Variants in ITGB1 observed in about 807,000 individuals in gnomAD.
The protein encoded by ITGB1 is integrin subunit beta 1.
A neutral mutation model predicts 86.5 loss-of-function variants in ITGB1; 24 were observed. That is an observed-to-expected ratio of 0.28 (90% CI 0.20 to 0.39). The LOEUF is 0.39. Ranked by LOEUF, ITGB1 falls within the 10% of genes least tolerant of loss-of-function variation. The pLI is 1.00. For synonymous variants in ITGB1, 323 were observed against 316.8 expected (o/e 1.02, Z -0.21); for missense variants, 556 against 946.9 (o/e 0.59, Z 5.42).
rs570622848 is a variant in ITGB1, at chr10:32,928,947, A to C, written c.377-683T>G. ...TTTTAACTTGTAGTTTTCTCTATAT[A>C]GATTTCTAATAGGCAATTGGAGAAA... On this transcript the variant is annotated intron_variant, in intron 4 of 15. Coordinates refer to ENST00000302278, the MANE Select transcript of ITGB1 (RefSeq NM_002211.4). 8.5e-5 allele frequency among the ~76,000 whole-genome samples: 13 copies of C among 152,160 alleles called. 1 individual carries two copies. In the South Asian group the frequency reaches 2.7e-3, roughly 32 times the overall value.
chr10:32,919,557 T>A (rs2094942249), intron 11 of ITGB1, among the ~76,000 whole-genome samples: 1 of 152,182 alleles, frequency 6.6e-6, no homozygotes, highest in Non-Finnish European at 1.5e-5. Context: ...CCTATAAACG[T>A]TATTTTACAC....
At chr10:32,936,031 G>A (rs2137241206) in intron 1 of ITGB1, 1 of 152,928 alleles carries the variant, frequency 6.5e-6, no homozygotes, top group South Asian at 2.1e-4. Context: ...TCATCCCTCT[G>A]CTAACAATGC....
intron 1 of ITGB1, among the ~76,000 whole-genome samples, chr10:32,939,480 A>C (rs540396248): frequency 2.6e-5 from 4 of 152,288 alleles, no homozygotes; most frequent in African/African-American, 9.6e-5. Flanking sequence ...GTGGCCTCCT[A>C]CACATCCAGG....
At chr10:32,941,097 C>CAGTT (rs1216256885) in intron 1 of ITGB1, among the ~76,000 whole-genome samples, 1 of 152,174 alleles carries the variant, frequency 6.6e-6, no homozygotes, top group African/African-American at 2.4e-5. Context: ...GGCAGTGTTT[C>CAGTT]AGTTAGACCT....
chr10:32,936,501 TAG>T (rs1431892958), intron 1 of ITGB1, among the ~76,000 whole-genome samples: 3 of 151,918 alleles, frequency 2.0e-5, no homozygotes, highest in Non-Finnish European at 2.9e-5. Flanking sequence ...TTTAATTTCC[TAG>T]AGTGTCCAGA....
rs181995317 is a variant in ITGB1 at position 32,913,399 on chromosome 10, G to C, written c.1470-1275C>G. 2.0e-3 allele frequency among the ~76,000 whole-genome samples: 298 copies of C among 152,226 alleles called. 2 individuals carry two copies. The highest frequency in any genetic ancestry group is 3.4e-3 in the Non-Finnish European group (232 of 68,022). ...CTAAAGGAGGATATTCAAACCCATC[G>C]CAAAGAAGCTAAAAACCTTGAAAAA... is the stretch of plus-strand genomic sequence containing the variant. On this transcript the variant is annotated intron_variant, in intron 11 of 15. Coordinates refer to ENST00000302278, the MANE Select transcript of ITGB1 (RefSeq NM_002211.4).
At chr10:32,943,391 A>G (rs2095023626) in intron 1 of ITGB1, among the ~76,000 whole-genome samples, 1 of 150,682 alleles carries the variant, frequency 6.6e-6, no homozygotes, top group Admixed American at 6.7e-5. Flanking sequence ...AAATGCCCAA[A>G]TCTCTGAGAA....
At chr10:32,946,809 T>G (rs1419701001) in intron 1 of ITGB1, among the ~76,000 whole-genome samples, 1 of 148,576 alleles carries the variant, frequency 6.7e-6, no homozygotes, top group Admixed American at 6.8e-5. Context: ...CATCAGTCTT[T>G]CAAGATGAAC....
chr10:32,945,983 G>A (rs866960462), intron 1 of ITGB1, among the ~76,000 whole-genome samples: 2 of 152,064 alleles, frequency 1.3e-5, no homozygotes, highest in East Asian at 1.9e-4. Flanking sequence ...TGTATTGAGG[G>A]TTATAATTTT....
chr10:32,917,020 C>G (rs1397924444), intron 11 of ITGB1, among the ~76,000 whole-genome samples: 1 of 151,984 alleles, frequency 6.6e-6, no homozygotes, highest in Non-Finnish European at 1.5e-5. Context: ...CAGAACAGAG[C>G]CCTCAGAAAT....
chr10:32,926,646 T>C (rs1343220394), intron 5 of ITGB1, among the ~76,000 whole-genome samples: 1 of 152,228 alleles, frequency 6.6e-6, no homozygotes, highest in Non-Finnish European at 1.5e-5. Flanking sequence ...TTGCTGATGC[T>C]AGCGCCATGC....
chr10:32,904,191 GCTCA>G (rs1402221766), intron 15 of ITGB1, among the ~76,000 whole-genome samples: 1 of 152,012 alleles, frequency 6.6e-6, no homozygotes, highest in African/African-American at 2.4e-5. Context: ...GTAAAATTAA[GCTCA>G]CTATCTGTAT....
At chr10:32,946,762 G>GC (rs2095032231) in intron 1 of ITGB1, among the ~76,000 whole-genome samples, 1 of 55,158 alleles carries the variant, frequency 1.8e-5, no homozygotes, top group African/African-American at 4.2e-5. Context: ...GGGGGGGGGG[G>GC]GGATTATTTT....
Position 32,952,787 on chromosome 10 carries a change from C to A in ITGB1, c.-1+5358G>T, listed in dbSNP as rs971238765. Among the ~76,000 whole-genome samples the A allele has an allele frequency of 7.2e-5, 11 of 152,270 alleles. No homozygotes were observed. In the East Asian group the frequency reaches 1.9e-3, roughly 27 times the overall value. The stretch of plus-strand genomic sequence containing the variant: ...TGCCTCTTCATCTCCTCACCAACCA[C>A]AATCAACTTAATTAACTACTCCTTC... On this transcript the variant is annotated intron_variant, in intron 1 of 15. Transcript: ENST00000302278.
At chr10:32,941,528 G>C (rs527721168) in intron 1 of ITGB1, among the ~76,000 whole-genome samples, 48 of 152,264 alleles carry the variant, frequency 3.2e-4, no homozygotes, top group African/African-American at 1.2e-3. Flanking sequence ...GTTACAGAGA[G>C]CCAAATACCA....
Position 32,910,344 on chromosome 10 carries a change from C to T in ITGB1, c.2043G>A (p.Gln681=). The T allele has an allele frequency of 1.9e-6, 3 of 1,599,576 alleles. No homozygotes were observed. Among genetic ancestry groups the T allele is most frequent in the Middle Eastern group, 3.3e-4 (2 of 6,034 alleles). Residue 681 remains glutamine, a synonymous_variant, in exon 14 of 16, where the codon CAG becomes CAA. Transcript: ENST00000302278. Reference sequence around the variant, plus strand: ...GGGACACAGGATCAGGTTGGACCGGCTGGGGTAATTTGTCCCGACTTTCTA... The same window carrying T: ...GGGACACAGGATCAGGTTGGACCGGTTGGGGTAATTTGTCCCGACTTTCTA... ...TKVESRDKLP[Q]PVQPDPVSHC...
rs1229281034 is a variant in ITGB1, at chr10:32,953,584, T to C, written c.-1+4561A>G. On this transcript the variant is annotated intron_variant, in intron 1 of 15. Coordinates refer to ENST00000302278, the MANE Select transcript of ITGB1 (RefSeq NM_002211.4). ...GTTGCTCATGGAGAGAGAACTGCAC[T>C]CTACTTACATCAGGCAGCAGCTATC... 3 of 150,782 alleles carry C rather than the reference T, an allele frequency of 2.0e-5. No homozygotes were observed. The East Asian group carries it at 5.8e-4, about 29-fold the overall frequency. The allele number at this position is 150,782 out of a possible 1,614,324, so 9.3% of individuals were successfully genotyped here. A position where few individuals can be genotyped will look rare whatever the true frequency, so the allele number is the denominator to read the frequency against.
At chr10:32,942,681 C>T (rs890448041) in intron 1 of ITGB1, among the ~76,000 whole-genome samples, 3 of 100,474 alleles carry the variant, frequency 3.0e-5, no homozygotes, top group Non-Finnish European at 8.8e-5. Context: ...CTCTCTCTCT[C>T]TCTTTTTTTT....
chr10:32,922,166 A>G (rs369499609), intron 9 of ITGB1, 91 bp downstream of exon 9: 6 of 771,476 alleles, frequency 7.8e-6, no homozygotes, highest in African/African-American at 1.8e-5. Context: ...TGGGCTCGCT[A>G]AAGTGTGTAT....
Sources: gnomAD v4.1 joint callset for allele counts (sites outside exome capture counted in the v4.1 genomes callset) on GRCh38, gnomAD v4.1.1 for gene constraint, MANE v1.5 for transcripts, NCBI Gene and HGNC (gene_info 2026-07-23, HGNC 2026-07-21) for gene names.